The following DGKI variants were observed in gnomAD, a reference collection of about 807,000 sequenced individuals.
DGKI encodes the protein DAG kinase iota.
In DGKI, 55 loss-of-function variants were observed where a neutral mutation model predicts 147.5. That is an observed-to-expected ratio of 0.37 (90% CI 0.30 to 0.47). DGKI has a LOEUF of 0.47. Among genes scored for constraint, DGKI ranks in the 20% least tolerant of loss-of-function variants. The probability of loss-of-function intolerance (pLI) is 1.00; values close to 1 mark genes in which losing one functional copy is unlikely to be tolerated. For synonymous variants in DGKI, 469 were observed against 477.1 expected (o/e 0.98, Z 0.22); for missense variants, 1,007 against 1,323.8 (o/e 0.76, Z 3.71).
chr7:137,539,254 G>A (rs1199301171), intron 20 of DGKI, among the ~76,000 whole-genome samples: 2 of 152,158 alleles, frequency 1.3e-5, no homozygotes, highest in African/African-American at 4.8e-5. Context: ...CCCTGGACAT[G>A]AACACAGTTA....
intron 1 of DGKI, among the ~76,000 whole-genome samples, chr7:137,818,788 T>C (rs1356177343): frequency 3.3e-5 from 5 of 152,114 alleles, no homozygotes; most frequent in African/African-American, 1.2e-4. Context: ...CAGATTCCTA[T>C]CTATCTATGG....
intron 28 of DGKI, among the ~76,000 whole-genome samples, chr7:137,415,027 C>A (rs565877152): frequency 3.9e-5 from 6 of 152,142 alleles, no homozygotes; most frequent in African/African-American, 1.2e-4. Flanking sequence ...ACATATGGAC[C>A]TTCAGAAGGA....
intron 4 of DGKI, among the ~76,000 whole-genome samples, chr7:137,655,434 GTGATCCACCCA>G (rs1822184280): frequency 6.6e-6 from 1 of 152,092 alleles, no homozygotes; most frequent in Non-Finnish European, 1.5e-5. Context: ...TCCTGACCTC[GTGATCCACCCA>G]TCTTGGCCTC....
intron 30 of DGKI, among the ~76,000 whole-genome samples, chr7:137,398,280 T>G (rs1349894648): frequency 1.3e-5 from 2 of 152,204 alleles, no homozygotes; most frequent in East Asian, 3.9e-4. Context: ...ATCATGATAC[T>G]GATCATGACA....
intron 1 of DGKI, among the ~76,000 whole-genome samples, chr7:137,798,936 T>G (rs190129741): frequency 1.6e-3 from 241 of 152,286 alleles, no homozygotes; most frequent in African/African-American, 5.4e-3. Flanking sequence ...ATAGCATTTT[T>G]GTAAAAACCC....
chr7:137,433,989 C>T (rs1585111709), intron 28 of DGKI, among the ~76,000 whole-genome samples: 1 of 152,080 alleles, frequency 6.6e-6, no homozygotes, highest in East Asian at 1.9e-4. Flanking sequence ...CATGGTAGCA[C>T]ACACCTGTAA....
chr7:137,544,808 T>G (rs1055058616), intron 20 of DGKI, among the ~76,000 whole-genome samples: 1 of 152,156 alleles, frequency 6.6e-6, no homozygotes, highest in Admixed American at 6.5e-5. Flanking sequence ...TCAAATAGCC[T>G]AAGTCTACTG....
intron 22 of DGKI, among the ~76,000 whole-genome samples, chr7:137,485,836 A>G (rs1193505963): frequency 6.6e-6 from 1 of 152,118 alleles, no homozygotes; most frequent in Non-Finnish European, 1.5e-5. Context: ...ACCTCAGACC[A>G]GATACATACT....
chr7:137,574,215 A>G (rs1454028957), intron 17 of DGKI, among the ~76,000 whole-genome samples: 1 of 152,240 alleles, frequency 6.6e-6, no homozygotes, highest in Non-Finnish European at 1.5e-5. Flanking sequence ...TTTCCAAGAA[A>G]TCTTACAATT....
intron 28 of DGKI, among the ~76,000 whole-genome samples, chr7:137,414,866 A>C (rs1305096103): frequency 6.6e-6 from 1 of 152,092 alleles, no homozygotes; most frequent in East Asian, 1.9e-4. Context: ...TTTTGAACCA[A>C]TTCTCCATTT....
chr7:137,457,555 A>C (rs1434247211), intron 27 of DGKI, among the ~76,000 whole-genome samples: 1 of 152,190 alleles, frequency 6.6e-6, no homozygotes, highest in African/African-American at 2.4e-5. Context: ...AGAACACAGG[A>C]GGTCTCCGGG....
intron 28 of DGKI, among the ~76,000 whole-genome samples, chr7:137,433,559 C>T (rs1417159186): frequency 6.6e-6 from 1 of 152,120 alleles, no homozygotes; most frequent in Non-Finnish European, 1.5e-5. Context: ...CCAACCCAGC[C>T]CCTTGGTTTC....
intron 8 of DGKI, among the ~76,000 whole-genome samples, chr7:137,611,969 G>T (rs771155944): frequency 6.6e-6 from 1 of 152,142 alleles, no homozygotes; most frequent in Non-Finnish European, 1.5e-5. Flanking sequence ...GTGCTTGCAG[G>T]AACATGCTAT....
At chr7:137,546,421 G>C (rs1817868356) in intron 20 of DGKI, among the ~76,000 whole-genome samples, 1 of 152,162 alleles carries the variant, frequency 6.6e-6, no homozygotes, top group Admixed American at 6.5e-5. Context: ...GGTTTCCCCA[G>C]GCTTTATAGG....
chr7:137,489,355 T>C (rs1815679823), intron 21 of DGKI, among the ~76,000 whole-genome samples: 1 of 152,060 alleles, frequency 6.6e-6, no homozygotes, highest in African/African-American at 2.4e-5. Flanking sequence ...AGACAGTCAG[T>C]AGAGGATAAG....
intron 1 of DGKI, among the ~76,000 whole-genome samples, chr7:137,783,656 T>C (rs1038152473): frequency 6.6e-6 from 1 of 152,346 alleles, no homozygotes; most frequent in African/African-American, 2.4e-5. Context: ...GAAAAGATCA[T>C]TGCCTAGGCA....
At chr7:137,564,548 C>CA (rs1036111622) in intron 19 of DGKI, among the ~76,000 whole-genome samples, 6 of 150,038 alleles carry the variant, frequency 4.0e-5, no homozygotes, top group Admixed American at 6.6e-5. Context: ...TTAAAATATG[C>CA]AAAAAAACAC....
rs546817857 is a variant in DGKI, at chr7:137,697,688, A to T, written c.402-7686T>A. ...CAGTTTTGGATTATTGATAATACTC[A>T]AATATACAGAAACAACAAAATTATA... On this transcript the variant is annotated intron_variant, in intron 1 of 32. Coordinates refer to ENST00000614521, the MANE Select transcript of DGKI (RefSeq NM_001321708.2). 3.3e-5 allele frequency among the ~76,000 whole-genome samples: 5 copies of T among 152,272 alleles called. 1 individual carries two copies. The South Asian group carries it at 1.0e-3, about 32-fold the overall frequency.
At chr7:137,424,952 T>C (rs896714001) in intron 28 of DGKI, among the ~76,000 whole-genome samples, 2 of 152,242 alleles carry the variant, frequency 1.3e-5, no homozygotes, top group African/African-American at 2.4e-5. Flanking sequence ...GCTCCACCTC[T>C]GGGTGCAGGG....
Sources: gnomAD v4.1 joint callset for allele counts (sites outside exome capture counted in the v4.1 genomes callset) on GRCh38, gnomAD v4.1.1 for gene constraint, MANE v1.5 for transcripts, NCBI Gene and HGNC (gene_info 2026-07-23, HGNC 2026-07-21) for gene names.